ENTREP2: variants seen among roughly 807,000 people sequenced by gnomAD.
The protein encoded by ENTREP2 is endosomal transmembrane epsin interactor 2.
At chr15:29,334,102 T>C in the ENTREP2 span, among the ~76,000 whole-genome samples, 1 of 152,166 alleles carries the variant, frequency 6.6e-6, no homozygotes, top group Non-Finnish European at 1.5e-5. Context: ...GGAATAAATT[T>C]CTGTTGCTTA....
chr15:29,623,257 A>C, the ENTREP2 span, among the ~76,000 whole-genome samples: 2,482 of 152,310 alleles, frequency 0.016, 157 homozygotes, highest in Admixed American at 0.11. Flanking sequence ...CTGAGCGAGG[A>C]AAAGCTTGGC....
chr15:29,379,243 T>C, the ENTREP2 span, among the ~76,000 whole-genome samples: 1 of 152,218 alleles, frequency 6.6e-6, no homozygotes, highest in Non-Finnish European at 1.5e-5. Context: ...GTTCCTTTTC[T>C]GTTCTCTATT....
the ENTREP2 span, among the ~76,000 whole-genome samples, chr15:29,668,342 G>C: frequency 2.0e-5 from 3 of 152,162 alleles, no homozygotes; most frequent in African/African-American, 7.2e-5. Flanking sequence ...CGCCACTTCG[G>C]AAAACAGTTT....
At chr15:29,607,063 C>A in the ENTREP2 span, among the ~76,000 whole-genome samples, 1 of 152,112 alleles carries the variant, frequency 6.6e-6, no homozygotes, top group Non-Finnish European at 1.5e-5. Context: ...GAATTCCTGG[C>A]CTCAAGTGAT....
the ENTREP2 span, among the ~76,000 whole-genome samples, chr15:29,176,210 T>C: frequency 5.9e-5 from 9 of 152,338 alleles, no homozygotes; most frequent in Admixed American, 4.6e-4. Flanking sequence ...ACAGACCTCT[T>C]TTCCTCAGGC....
chr15:29,458,020 A>G, the ENTREP2 span, among the ~76,000 whole-genome samples: 1 of 152,148 alleles, frequency 6.6e-6, no homozygotes, highest in Non-Finnish European at 1.5e-5. Context: ...GATAGGACAC[A>G]TATATCAGAG....
chr15:29,251,892 C>T, the ENTREP2 span, among the ~76,000 whole-genome samples: 2 of 152,258 alleles, frequency 1.3e-5, no homozygotes, highest in East Asian at 3.9e-4. Flanking sequence ...ACACTGTCTA[C>T]AATTTTCCTG....
the ENTREP2 span, among the ~76,000 whole-genome samples, chr15:29,531,495 C>T: frequency 9.2e-5 from 14 of 152,132 alleles, no homozygotes; most frequent in African/African-American, 3.4e-4. Flanking sequence ...ACATGAAGGG[C>T]AGCCCTGGGG....
chr15:29,456,209 A>T, the ENTREP2 span, among the ~76,000 whole-genome samples: 1 of 151,952 alleles, frequency 6.6e-6, no homozygotes, highest in African/African-American at 2.4e-5. Flanking sequence ...TCCAGTGATC[A>T]TTTCTATTGG....
At chr15:29,439,415 A>G in the ENTREP2 span, among the ~76,000 whole-genome samples, 1 of 152,096 alleles carries the variant, frequency 6.6e-6, no homozygotes, top group Non-Finnish European at 1.5e-5. Context: ...AAATACCCAC[A>G]CTATTGAATT....
chr15:29,228,313 C>A, the ENTREP2 span, among the ~76,000 whole-genome samples: 2 of 144,380 alleles, frequency 1.4e-5, no homozygotes, highest in Non-Finnish European at 3.1e-5. Flanking sequence ...AGCAAGACTC[C>A]GTCTCAAACA....
At chr15:29,411,402 G>T in the ENTREP2 span, among the ~76,000 whole-genome samples, 1 of 152,000 alleles carries the variant, frequency 6.6e-6, no homozygotes, top group Non-Finnish European at 1.5e-5. Flanking sequence ...AGGTGTAAAC[G>T]ATTTCTCTCC....
the ENTREP2 span, among the ~76,000 whole-genome samples, chr15:29,482,659 T>C: frequency 6.6e-6 from 1 of 152,270 alleles, no homozygotes; most frequent in Non-Finnish European, 1.5e-5. Context: ...GATCTTTTCA[T>C]AGCTTGATAG....
chr15:29,194,760 T>C, the ENTREP2 span, among the ~76,000 whole-genome samples: 1 of 152,274 alleles, frequency 6.6e-6, no homozygotes, highest in South Asian at 2.1e-4. Flanking sequence ...CCACAGTCAC[T>C]GCTGCAGGGG....
the ENTREP2 span, among the ~76,000 whole-genome samples, chr15:29,454,641 A>G: frequency 2.0e-5 from 3 of 152,170 alleles, no homozygotes; most frequent in Non-Finnish European, 4.4e-5. Flanking sequence ...CCCACCTCCT[A>G]TAATGGCATT....
At chr15:29,444,170 CAAAGAAAG>C in the ENTREP2 span, among the ~76,000 whole-genome samples, 5,622 of 70,498 alleles carry the variant, frequency 0.08, 282 homozygotes, top group Middle Eastern at 0.15. Context: ...GAAAGACAGA[CAAAGAAAG>C]AAAGAAAGAA....
the ENTREP2 span, chr15:29,268,224 G>A: frequency 6.6e-6 from 1 of 152,344 alleles, no homozygotes; most frequent in Non-Finnish European, 1.5e-5. Flanking sequence ...GGAACTACGT[G>A]TTTAGCAGCA....
At chr15:29,156,319 G>T in the ENTREP2 span, among the ~76,000 whole-genome samples, 1 of 151,978 alleles carries the variant, frequency 6.6e-6, no homozygotes, top group Non-Finnish European at 1.5e-5. Flanking sequence ...TGAGTAGCTG[G>T]GTCTACAGGT....
At chr15:29,488,044 T>A in the ENTREP2 span, among the ~76,000 whole-genome samples, 6 of 152,158 alleles carry the variant, frequency 3.9e-5, no homozygotes, top group Non-Finnish European at 8.8e-5. Flanking sequence ...CAAGAAAATA[T>A]GGCTCATTCA....
Sources: gnomAD v4.1 joint callset for allele counts (sites outside exome capture counted in the v4.1 genomes callset) on GRCh38, gnomAD v4.1.1 for gene constraint, MANE v1.5 for transcripts, NCBI Gene and HGNC (gene_info 2026-07-23, HGNC 2026-07-21) for gene names.